Variants in WHRN observed in about 807,000 individuals in gnomAD.
The protein encoded by WHRN is whirlin.
A neutral mutation model predicts 68.3 loss-of-function variants in WHRN; 41 were observed. That is an observed-to-expected ratio of 0.60 (90% CI 0.47 to 0.78). WHRN has a LOEUF of 0.78. Among genes scored for constraint, WHRN ranks in the 30% least tolerant of loss-of-function variants. The pLI, the probability that WHRN is intolerant of heterozygous loss-of-function variation, is 0.00. For synonymous variants in WHRN, 560 were observed against 561.3 expected, an observed-to-expected ratio of 1.00 and a Z score of 0.03; for missense variants, 1,243 against 1,244.7, an observed-to-expected ratio of 1.00 and a Z score of 0.02.
At position 114,404,073 on chromosome 9, in the gene WHRN, G is replaced by C; in HGVS notation, c.2241C>G (p.Ala747=). The part of the protein sequence containing the change: ...EVRALPQTRT[A]STLSQLSDSG... Reference sequence around the variant, plus strand: ...TGTCCGAGAGCTGGGAGAGCGTAGAGGCTGCTGGAGAGGGGAAAAGGAAGA... The same window carrying C: ...TGTCCGAGAGCTGGGAGAGCGTAGACGCTGCTGGAGAGGGGAAAAGGAAGA... The change falls in exon 10 of 12, where the codon GCC becomes GCG. Residue 747 remains alanine, a synonymous_variant. Transcript: ENST00000362057. 1 of 1,612,890 alleles carries C rather than the reference G, an allele frequency of 6.2e-7. No individual in the cohort carries two copies. The highest frequency in any genetic ancestry group is 8.5e-7 in the Non-Finnish European group (1 of 1,180,004).
rs373094583 is a variant in WHRN, at chr9:114,424,402, G to T, written c.1348C>A (p.Arg450Ser). 1.2e-6 allele frequency: 2 copies of T among 1,612,844 alleles called. No homozygotes were observed. The highest frequency in any genetic ancestry group is 1.7e-6 in the Non-Finnish European group (2 of 1,180,028). The part of the protein sequence containing the change: ...ATMAYYLDEY[R>S]GGSVSVEALV... ...GCCTCCACAGAGACGCTGCCACCAC[G>T]GTACTCATCCAGGTAGTAGGCCATG... The change falls in exon 6 of 12, where the codon CGT becomes AGT. Residue 450 changes from arginine (R) to serine (S), a missense_variant. Coordinates refer to ENST00000362057, the MANE Select transcript of WHRN (RefSeq NM_015404.4).
At chr9:114,459,493 G>A (rs537939691) in intron 3 of WHRN, among the ~76,000 whole-genome samples, 17 of 152,230 alleles carry the variant, frequency 1.1e-4, no homozygotes, top group African/African-American at 3.9e-4. Context: ...TCCTAGAGCT[G>A]GGTAGACAGA....
intron 3 of WHRN, among the ~76,000 whole-genome samples, chr9:114,440,345 T>C (rs1236570851): frequency 2.0e-5 from 3 of 152,232 alleles, no homozygotes; most frequent in Admixed American, 6.5e-5. Flanking sequence ...CAAGTGATTC[T>C]TCTGCCTTAG....
At chr9:114,501,803 G>A (rs4979418) in intron 1 of WHRN, among the ~76,000 whole-genome samples, 55,904 of 152,074 alleles carry the variant, frequency 0.37, 12,498 homozygotes, top group East Asian at 0.58. Flanking sequence ...TAAAATCCCC[G>A]ACATGGTGAC....
At chr9:114,448,611 C>G (rs1839042187) in intron 3 of WHRN, among the ~76,000 whole-genome samples, 1 of 152,192 alleles carries the variant, frequency 6.6e-6, no homozygotes, top group Middle Eastern at 3.2e-3. Flanking sequence ...CTCCACTCAC[C>G]TCTCTCCCAG....
chr9:114,481,487 C>A (rs918945559), intron 1 of WHRN, among the ~76,000 whole-genome samples: 1 of 152,168 alleles, frequency 6.6e-6, no homozygotes, highest in Non-Finnish European at 1.5e-5. Flanking sequence ...AAGTGGGCTT[C>A]CCCCAGAGCA....
At chr9:114,434,861 G>A (rs1223831808) in intron 3 of WHRN, among the ~76,000 whole-genome samples, 1 of 152,120 alleles carries the variant, frequency 6.6e-6, no homozygotes, top group Non-Finnish European at 1.5e-5. Flanking sequence ...CCTACCCTGA[G>A]AGGGGCATTA....
chr9:114,467,528 A>G (rs1297560248), intron 2 of WHRN, among the ~76,000 whole-genome samples: 1 of 151,938 alleles, frequency 6.6e-6, no homozygotes, highest in African/African-American at 2.4e-5. Flanking sequence ...GGGGGAAGGG[A>G]AAATGGAACA....
intron 7 of WHRN, among the ~76,000 whole-genome samples, chr9:114,410,099 C>T (rs1279907461): frequency 1.3e-5 from 2 of 152,140 alleles, no homozygotes; most frequent in Admixed American, 6.5e-5. Flanking sequence ...CATTCCTTCA[C>T]TTTGTTTAGT....
chr9:114,502,161 G>A (rs1319946382), intron 1 of WHRN, among the ~76,000 whole-genome samples: 2 of 152,206 alleles, frequency 1.3e-5, no homozygotes, highest in African/African-American at 4.8e-5. Flanking sequence ...ATGTCAGGCA[G>A]GTTATGTGTC....
intron 3 of WHRN, among the ~76,000 whole-genome samples, chr9:114,438,521 T>C (rs543454824): frequency 7.3e-5 from 11 of 150,972 alleles, no homozygotes; most frequent in East Asian, 3.9e-4. Context: ...GGCGCAATCT[T>C]GGCTCACTGC....
chr9:114,446,233 A>C (rs1437101913), intron 3 of WHRN, among the ~76,000 whole-genome samples: 1 of 152,190 alleles, frequency 6.6e-6, no homozygotes, highest in Non-Finnish European at 1.5e-5. Context: ...AAGTAAAAGA[A>C]GGCAGACACA....
intron 1 of WHRN, among the ~76,000 whole-genome samples, chr9:114,489,138 T>C (rs144389992): frequency 2.6e-4 from 40 of 152,302 alleles, no homozygotes; most frequent in African/African-American, 8.7e-4. Context: ...TACTTACTTA[T>C]GCAAATGATT....
chr9:114,468,970 C>T (rs1013525549), intron 2 of WHRN, among the ~76,000 whole-genome samples: 2 of 152,204 alleles, frequency 1.3e-5, no homozygotes, highest in Non-Finnish European at 2.9e-5. Flanking sequence ...CGGAGCCAGA[C>T]TGCCAACTTG....
intron 2 of WHRN, among the ~76,000 whole-genome samples, chr9:114,470,922 C>T (rs1383630420): frequency 6.6e-6 from 1 of 152,032 alleles, no homozygotes; most frequent in Non-Finnish European, 1.5e-5. Context: ...CAGGAACACG[C>T]AGATGGCAGC....
intron 7 of WHRN, among the ~76,000 whole-genome samples, chr9:114,417,884 C>T (rs1303996428): frequency 2.0e-5 from 3 of 152,214 alleles, no homozygotes; most frequent in Non-Finnish European, 4.4e-5. Flanking sequence ...CCTCCTGATG[C>T]AGAGAAGACT....
rs373094583 is a variant in WHRN at position 114,424,402 on chromosome 9, G to A, written c.1348C>T (p.Arg450Cys). 70 of 1,612,962 alleles carry A rather than the reference G, an allele frequency of 4.3e-5. No individual in the cohort carries two copies. In the East Asian group the frequency reaches 5.3e-4, roughly 12 times the overall value. ...GCCTCCACAGAGACGCTGCCACCAC[G>A]GTACTCATCCAGGTAGTAGGCCATG... The part of the protein sequence containing the change: ...ATMAYYLDEY[R>C]GGSVSVEALV... The change falls in exon 6 of 12, where the codon CGT (arginine) becomes TGT (cysteine). Residue 450 changes from arginine (R) to cysteine (C), a missense_variant. Physicochemically the swap from Arg to Cys is radical, Grantham distance 180 (BLOSUM62 -3). Coordinates refer to ENST00000362057, the MANE Select transcript of WHRN (RefSeq NM_015404.4).
rs56168690 is a variant in WHRN at position 114,478,825 on chromosome 9, G to A, written c.619-54C>T. ...GGAAGGGAGGTGCCGGGGGTGTGGAGGAACACCCTCCCCTGGCCCAGACCT... is the reference window on the plus strand; with the variant it reads ...GGAAGGGAGGTGCCGGGGGTGTGGAAGAACACCCTCCCCTGGCCCAGACCT... On this transcript the variant is annotated intron_variant, in intron 1 of 11. Transcript: ENST00000362057. 4.4e-3 allele frequency: 6,744 copies of A among 1,531,124 alleles called. 25 individuals are homozygous for A. Among genetic ancestry groups the A allele is most frequent in the Non-Finnish European group, 4.9e-3 (5,537 of 1,128,108 alleles). The allele number at this position is 1,531,124 out of a possible 1,614,324, so 94.8% of individuals were successfully genotyped here. A position where few individuals can be genotyped will look rare whatever the true frequency, so the allele number is the denominator to read the frequency against.
In WHRN at chr9:114,504,998, A is replaced by T. The variant is rs1844281039; in HGVS notation, c.-197T>A. ...CTGCTAGAGTCCCGGAGGCGCGAAGACGGCGGGGGTCGCGAACCTGGAATC... is the reference window on the plus strand; with the variant it reads ...CTGCTAGAGTCCCGGAGGCGCGAAGTCGGCGGGGGTCGCGAACCTGGAATC... On this transcript the variant is annotated 5_prime_UTR_variant, in exon 1 of 12. Transcript: ENST00000362057. 1 of 759,670 alleles carries T rather than the reference A, an allele frequency of 1.3e-6. No homozygotes were observed. Among genetic ancestry groups the T allele is most frequent in the African/African-American group, 1.8e-5 (1 of 54,434 alleles). The allele number at this position is 759,670 out of a possible 1,614,324, so 47.1% of individuals were successfully genotyped here.
Sources: allele counts gnomAD v4.1 joint callset (sites outside exome capture counted in the v4.1 genomes callset), GRCh38; gene constraint gnomAD v4.1.1; transcripts MANE v1.5; gene names NCBI Gene and HGNC (gene_info 2026-07-23, HGNC 2026-07-21).